TTC7B: variants seen among roughly 807,000 people sequenced by gnomAD.
TTC7B encodes tetratricopeptide repeat domain 7B, also known as tetratricopeptide repeat protein 7B.
A neutral mutation model predicts 106.8 loss-of-function variants in TTC7B; 28 were observed. That is an observed-to-expected ratio of 0.26 (90% CI 0.19 to 0.36). The LOEUF (loss-of-function observed/expected upper bound fraction) is 0.36. TTC7B is among the 10% of genes least tolerant of loss of function. The probability of loss-of-function intolerance (pLI) is 1.00; values close to 1 mark genes in which losing one functional copy is unlikely to be tolerated. For synonymous variants in TTC7B, 405 were observed against 430.6 expected, an observed-to-expected ratio of 0.94 and a Z score of 0.74; for missense variants, 862 against 1,076.4, an observed-to-expected ratio of 0.80 and a Z score of 2.79.
At chr14:90,746,834 T>C (rs753534607) in intron 3 of TTC7B, among the ~76,000 whole-genome samples, 4 of 152,254 alleles carry the variant, frequency 2.6e-5, no homozygotes, top group Non-Finnish European at 5.9e-5. Flanking sequence ...TTTCCAAATA[T>C]TTGGGAGTTT....
chr14:90,589,205 A>G (rs560001882), intron 18 of TTC7B, among the ~76,000 whole-genome samples: 1 of 152,334 alleles, frequency 6.6e-6, no homozygotes. Flanking sequence ...ATTAAAGAGT[A>G]CACACCCCTT....
At chr14:90,571,194 G>C (rs868425343) in intron 19 of TTC7B, among the ~76,000 whole-genome samples, 1 of 152,204 alleles carries the variant, frequency 6.6e-6, no homozygotes, top group African/African-American at 2.4e-5. Context: ...GTAGAGAAAG[G>C]TAATCCTTAA....
chr14:90,578,440 A>T lies in TTC7B; in HGVS notation c.2108-132T>A. ...GCAGAGCCAGCTGATCCCTGCTCCA[A>T]GTGGAAACAGCTGCCGCTGACAGTC... On this transcript the variant is annotated intron_variant, in intron 18 of 19. Coordinates refer to ENST00000328459, the MANE Select transcript of TTC7B (RefSeq NM_001010854.2). This position sits in a 1 kb window ranked among gnomAD's most constrained non-coding sequence, Gnocchi z 4.7. 2 of 894,912 alleles carry T rather than the reference A, an allele frequency of 2.2e-6. No individual in the cohort carries two copies. The highest frequency in any genetic ancestry group is 3.2e-5 in the South Asian group (2 of 63,222). The allele number at this position is 894,912 out of a possible 1,614,324, so 55.4% of individuals were successfully genotyped here. A position where few individuals can be genotyped will look rare whatever the true frequency, so the allele number is the denominator to read the frequency against.
At chr14:90,647,325 G>T in intron 13 of TTC7B, 1 of 328,478 alleles carries the variant, frequency 3.0e-6, no homozygotes, top group African/African-American at 2.1e-5. Flanking sequence ...AGGCCCTGAG[G>T]TCTGATCTCC....
chr14:90,716,524 TATC>T (rs1888662918), intron 5 of TTC7B, among the ~76,000 whole-genome samples: 1 of 152,252 alleles, frequency 6.6e-6, no homozygotes, highest in African/African-American at 2.4e-5. Context: ...GTTCATCTTA[TATC>T]CCCAGAGCTT....
At chr14:90,619,433 C>T (rs1893219230) in intron 15 of TTC7B, among the ~76,000 whole-genome samples, 1 of 152,214 alleles carries the variant, frequency 6.6e-6, no homozygotes, top group East Asian at 1.9e-4. Context: ...AACTTCTACT[C>T]ATGCACATCT....
At chr14:90,781,877 C>T (rs755318169) in intron 2 of TTC7B, among the ~76,000 whole-genome samples, 3 of 152,220 alleles carry the variant, frequency 2.0e-5, no homozygotes, top group Non-Finnish European at 4.4e-5. Flanking sequence ...TTGCCTTCCT[C>T]CCTGACCCGT....
Position 90,784,413 on chromosome 14 carries a change from C to T in TTC7B, c.276+1761G>A, listed in dbSNP as rs539544410. Among the ~76,000 whole-genome samples the T allele has an allele frequency of 5.9e-5, 9 of 152,120 alleles. No homozygotes were observed. The South Asian group carries it at 1.0e-3, about 18-fold the overall frequency. On this transcript the variant is annotated intron_variant, in intron 2 of 19. Coordinates refer to ENST00000328459, the MANE Select transcript of TTC7B (RefSeq NM_001010854.2). ...TCTACTAAAAATACAAAAAATTAGC[C>T]GGGCGTGGTGGCGGGTGCCTGTAGT...
In TTC7B at chr14:90,673,445, G is replaced by A. The variant is rs538742031; in HGVS notation, c.1152+3078C>T. 3.3e-5 allele frequency among the ~76,000 whole-genome samples: 5 copies of A among 152,284 alleles called. No homozygotes were observed. In the South Asian group the frequency reaches 1.0e-3, roughly 32 times the overall value. ...ACAAAACAAAAAGAGAAAAAAGAAGGAGCGCGGGTCTGTCGAATATTTCTG... is the reference window on the plus strand; with the variant it reads ...ACAAAACAAAAAGAGAAAAAAGAAGAAGCGCGGGTCTGTCGAATATTTCTG... On this transcript the variant is annotated intron_variant, in intron 9 of 19. Transcript: ENST00000328459.
At chr14:90,661,553 TGGA>T (rs1032046382) in intron 9 of TTC7B, among the ~76,000 whole-genome samples, 1 of 151,684 alleles carries the variant, frequency 6.6e-6, no homozygotes, top group African/African-American at 2.4e-5. Flanking sequence ...TGAGGGACGA[TGGA>T]GGAGGAGGAG....
intron 9 of TTC7B, among the ~76,000 whole-genome samples, chr14:90,670,495 C>T (rs183860217): frequency 1.3e-5 from 2 of 152,188 alleles, no homozygotes; most frequent in African/African-American, 4.8e-5. Flanking sequence ...AAAAGGTTAA[C>T]ATGGCATATT....
rs1259742062 is a variant in TTC7B at position 90,757,095 on chromosome 14, G to C, written c.446-12173C>G. ...AAACAGTTAGCAGAAGGCTTAACGTGGTGGATCTCCACCAGGCATGGCCCC... is the reference window on the plus strand; with the variant it reads ...AAACAGTTAGCAGAAGGCTTAACGTCGTGGATCTCCACCAGGCATGGCCCC... On this transcript the variant is annotated intron_variant, in intron 3 of 19. Transcript: ENST00000328459. This position sits in a 1 kb window ranked among gnomAD's most constrained non-coding sequence, Gnocchi z 4.1. Among the ~76,000 whole-genome samples, 4 of 152,024 alleles carry C rather than the reference G, an allele frequency of 2.6e-5. No homozygotes were observed. Among genetic ancestry groups the C allele is most frequent in the Admixed American group, 6.6e-5 (1 of 15,254 alleles).
At chr14:90,694,330 G>A (rs965906485) in intron 6 of TTC7B, among the ~76,000 whole-genome samples, 1 of 152,098 alleles carries the variant, frequency 6.6e-6, no homozygotes, top group Non-Finnish European at 1.5e-5. Context: ...TAAATTAGTG[G>A]TTGCCAGGGA....
At chr14:90,620,998 G>C (rs1884136959) in intron 15 of TTC7B, among the ~76,000 whole-genome samples, 1 of 152,238 alleles carries the variant, frequency 6.6e-6, no homozygotes, top group African/African-American at 2.4e-5. Flanking sequence ...CAGCATGAGA[G>C]AGGCTGGCAG....
At chr14:90,724,540 T>A (rs183102138) in intron 5 of TTC7B, among the ~76,000 whole-genome samples, 1 of 152,278 alleles carries the variant, frequency 6.6e-6, no homozygotes, top group East Asian at 1.9e-4. Flanking sequence ...TCATGCGAAC[T>A]GTTCGTTTAA....
rs2030744899 is a variant in TTC7B, at chr14:90,808,868, C to G, written c.121+7307G>C. On this transcript the variant is annotated intron_variant, in intron 1 of 19. Transcript: ENST00000328459. The surrounding 1 kb of genome is among the most constrained non-coding windows in gnomAD (Gnocchi z 4.2). ...CGTGAATAAGAACCAAAGGCCATTC[C>G]TGCGTGCCCAGGGCACAGCTGGCCG... Among the ~76,000 whole-genome samples the G allele has an allele frequency of 6.6e-6, 1 of 152,230 alleles. No homozygotes were observed. The highest frequency in any genetic ancestry group is 1.5e-5 in the Non-Finnish European group (1 of 68,030).
At chr14:90,610,974 T>C (rs1424690848) in intron 16 of TTC7B, 135 bp from the exon 17 acceptor site, 12 of 698,008 alleles carry the variant, frequency 1.7e-5, no homozygotes, top group Non-Finnish European at 3.1e-5. Flanking sequence ...ATCTTTCTTA[T>C]GAAGGAGGCA....
rs2030741702 is a variant in TTC7B at position 90,808,815 on chromosome 14, G to A, written c.121+7360C>T. Among the ~76,000 whole-genome samples the A allele has an allele frequency of 6.6e-6, 1 of 152,164 alleles. No individual in the cohort carries two copies. The highest frequency in any genetic ancestry group is 1.5e-5 in the Non-Finnish European group (1 of 68,034). ...CTACCAAGCATGAGGTCATTCAGAG[G>A]GGCAGGAATCCACCCACGTGTGGCC... On this transcript the variant is annotated intron_variant, in intron 1 of 19. Transcript: ENST00000328459. This position sits in a 1 kb window ranked among gnomAD's most constrained non-coding sequence, Gnocchi z 4.2.
intron 1 of TTC7B, among the ~76,000 whole-genome samples, chr14:90,815,912 A>G (rs1394345075): frequency 6.6e-6 from 1 of 151,466 alleles, no homozygotes; most frequent in African/African-American, 2.4e-5. Flanking sequence ...CGGACACCCC[A>G]GACTCCGCAG....
Sources: gnomAD v4.1 joint callset for allele counts (sites outside exome capture counted in the v4.1 genomes callset) on GRCh38, gnomAD v4.1.1 for gene constraint, Gnocchi (gnomAD v3.1) non-coding constraint, MANE v1.5 for transcripts, NCBI Gene and HGNC (gene_info 2026-07-23, HGNC 2026-07-21) for gene names.